Variants in RB1CC1 observed in about 807,000 individuals in gnomAD.
RB1CC1 encodes RB1-inducible coiled-coil protein 1.
In RB1CC1, 46 loss-of-function variants were observed where a neutral mutation model predicts 177.5. That is an observed-to-expected ratio of 0.26 (90% CI 0.20 to 0.33). The LOEUF is 0.33. Among genes scored for constraint, RB1CC1 ranks in the 10% least tolerant of loss-of-function variants. The pLI, the probability that RB1CC1 is intolerant of heterozygous loss-of-function variation, is 1.00. For missense variants in RB1CC1, 1,703 were observed against 1,816.3 expected, an observed-to-expected ratio of 0.94 and a Z score of 1.13; for synonymous variants, 666 against 613.6, an observed-to-expected ratio of 1.09 and a Z score of -1.26.
intron 21 of RB1CC1, among the ~76,000 whole-genome samples, chr8:52,630,198 AGC>A (rs1848659740): frequency 6.6e-6 from 1 of 152,246 alleles, no homozygotes; most frequent in African/African-American, 2.4e-5. Flanking sequence ...TAAAAGAGGT[AGC>A]ACATGCTGAA....
chr8:52,674,610 G>A (rs1052473995), intron 6 of RB1CC1, among the ~76,000 whole-genome samples: 3 of 151,818 alleles, frequency 2.0e-5, no homozygotes, highest in African/African-American at 7.3e-5. Context: ...TCTACTAAAC[G>A]TACAAAAATT....
intron 16 of RB1CC1, among the ~76,000 whole-genome samples, chr8:52,645,258 TA>T (rs1460221094): frequency 6.6e-6 from 1 of 152,188 alleles, no homozygotes; most frequent in Non-Finnish European, 1.5e-5. Flanking sequence ...GATCTGAATG[TA>T]ATTTAGGATA....
intron 11 of RB1CC1, 36 bp from the exon 12 acceptor site, chr8:52,660,693 G>T: frequency 6.5e-7 from 1 of 1,542,092 alleles, no homozygotes; most frequent in Non-Finnish European, 8.8e-7. Context: ...TTATTTTAGA[G>T]CTTTATTTAA....
chr8:52,696,665 A>G lies in RB1CC1; in HGVS notation c.-166-9698T>C, dbSNP rs537147986. Among the ~76,000 whole-genome samples the G allele has an allele frequency of 5.9e-5, 9 of 152,282 alleles. No individual in the cohort carries two copies. In the South Asian group the frequency reaches 1.9e-3, roughly 32 times the overall value. On this transcript the variant is annotated intron_variant, in intron 1 of 23. Coordinates refer to ENST00000025008, the MANE Select transcript of RB1CC1 (RefSeq NM_014781.5). The stretch of plus-strand genomic sequence containing the variant: ...AGCTAAGATAGAACCCATGATAAAA[A>G]CTTAAAAAGCAAAGAAATTAAGCAC...
chr8:52,708,237 C>G (rs1563480502), intron 1 of RB1CC1, among the ~76,000 whole-genome samples: 1 of 152,200 alleles, frequency 6.6e-6, no homozygotes, highest in African/African-American at 2.4e-5. Context: ...CAAAGTATTG[C>G]CGGGCACACT....
At chr8:52,692,335 A>C (rs537937505) in intron 1 of RB1CC1, among the ~76,000 whole-genome samples, 1 of 152,322 alleles carries the variant, frequency 6.6e-6, no homozygotes, top group South Asian at 2.1e-4. Context: ...AAAAGCTACA[A>C]AAAATCTTTT....
intron 15 of RB1CC1, among the ~76,000 whole-genome samples, chr8:52,649,521 C>T (rs1265885535): frequency 6.6e-6 from 1 of 152,156 alleles, no homozygotes; most frequent in Non-Finnish European, 1.5e-5. Context: ...ACAATTAGTT[C>T]ACTGTTTTTT....
chr8:52,654,583 CCT>C (rs1299934836), intron 15 of RB1CC1, among the ~76,000 whole-genome samples: 2 of 152,150 alleles, frequency 1.3e-5, no homozygotes, highest in Non-Finnish European at 2.9e-5. Flanking sequence ...GGTGCTTCAG[CCT>C]CTGTTTTCCT....
intron 12 of RB1CC1, among the ~76,000 whole-genome samples, 162 bp from the exon 13 acceptor site, chr8:52,659,138 T>C (rs1851370664): frequency 6.6e-6 from 1 of 152,194 alleles, no homozygotes; most frequent in Non-Finnish European, 1.5e-5. Flanking sequence ...AGATATGGCA[T>C]ATTATTTTCC....
chr8:52,686,398 T>G (rs1854277197), intron 2 of RB1CC1, among the ~76,000 whole-genome samples: 1 of 152,016 alleles, frequency 6.6e-6, no homozygotes, highest in African/African-American at 2.4e-5. Flanking sequence ...TTAAAAAAAT[T>G]AGACACACTT....
chr8:52,660,251 G>C (rs1399805303), intron 12 of RB1CC1, among the ~76,000 whole-genome samples: 1 of 152,032 alleles, frequency 6.6e-6, no homozygotes, highest in African/African-American at 2.4e-5. Flanking sequence ...AGGCTGTAAA[G>C]GAGGAGGGAG....
At chr8:52,704,666 T>C (rs1007054622) in intron 1 of RB1CC1, among the ~76,000 whole-genome samples, 6 of 152,140 alleles carry the variant, frequency 3.9e-5, no homozygotes, top group Admixed American at 1.3e-4. Flanking sequence ...GTACCCCTAA[T>C]TTACGTAAAG....
intron 22 of RB1CC1, among the ~76,000 whole-genome samples, chr8:52,626,001 A>G (rs2150366631): frequency 6.6e-6 from 1 of 152,364 alleles, no homozygotes; most frequent in South Asian, 2.1e-4. Context: ...CACATGACAG[A>G]AACAGAAAAG....
chr8:52,658,161 T>C, intron 13 of RB1CC1, 37 bp from the exon 14 acceptor site: 1 of 1,586,668 alleles, frequency 6.3e-7, no homozygotes, highest in Non-Finnish European at 8.6e-7. Flanking sequence ...CTTCTGATTT[T>C]TTAATGAACT....
Position 52,688,816 on chromosome 8 carries a change from C to T in RB1CC1, c.-166-1849G>A, listed in dbSNP as rs111397800. Among the ~76,000 whole-genome samples the T allele has an allele frequency of 3.7e-3, 556 of 152,242 alleles. 4 individuals carry two copies. Among genetic ancestry groups the T allele is most frequent in the African/African-American group, 0.013 (538 of 41,540 alleles). ...ACTGTCCTACCGATATGTGATGTCG[C>T]CCCCGGCGGCCCAGCTGTAAAATTC... On this transcript the variant is annotated intron_variant, in intron 1 of 23. Transcript: ENST00000025008.
In RB1CC1 at chr8:52,673,997, T is replaced by C; in HGVS notation, c.850A>G (p.Ser284Gly). 1.2e-6 allele frequency: 2 copies of C among 1,614,184 alleles called. No individual in the cohort carries two copies. The highest frequency in any genetic ancestry group is 2.2e-5 in the South Asian group (2 of 91,082). The change falls in exon 7 of 24, where the codon AGT becomes GGT. Residue 284 changes from serine (S) to glycine (G), a missense_variant. Physicochemically the swap from Ser to Gly is moderately conservative, Grantham distance 56. Coordinates refer to ENST00000025008, the MANE Select transcript of RB1CC1 (RefSeq NM_014781.5). ...GTTTCATCTTGCTGATGAACAGTAC[T>C]TTGACAAGATTCCCTAATTTCTTTG... Reference protein sequence around the residue: ...SGKEIRESCQSTVHQQDETTI... With the variant: ...SGKEIRESCQGTVHQQDETTI...
At chr8:52,688,811 T>C (rs536124367) in intron 1 of RB1CC1, among the ~76,000 whole-genome samples, 1 of 152,316 alleles carries the variant, frequency 6.6e-6, no homozygotes, top group Admixed American at 6.5e-5. Flanking sequence ...CGATATGTGA[T>C]GTCGCCCCCG....
chr8:52,666,899 C>T (rs1256449954), intron 8 of RB1CC1, among the ~76,000 whole-genome samples: 1 of 152,064 alleles, frequency 6.6e-6, no homozygotes, highest in African/African-American at 2.4e-5. Context: ...AGGTCTAACA[C>T]GTCTAACTGG....
At chr8:52,681,239 G>A (rs1162700315) in intron 5 of RB1CC1, among the ~76,000 whole-genome samples, 1 of 151,634 alleles carries the variant, frequency 6.6e-6, no homozygotes, top group South Asian at 2.1e-4. Flanking sequence ...CTCATGATCC[G>A]CCTGCCTTGG....
Sources: allele counts gnomAD v4.1 joint callset (sites outside exome capture counted in the v4.1 genomes callset), GRCh38; gene constraint gnomAD v4.1.1; transcripts MANE v1.5; gene names NCBI Gene and HGNC (gene_info 2026-07-23, HGNC 2026-07-21).